EML5: variants seen among roughly 807,000 people sequenced by gnomAD.
The protein encoded by EML5 is echinoderm microtubule-associated protein-like 5.
A neutral mutation model predicts 250.0 loss-of-function variants in EML5; 120 were observed. The ratio of observed to expected loss-of-function variants is 0.48; its 90% CI spans 0.41 to 0.56. EML5 has a LOEUF of 0.56. EML5 is among the 20% of genes least tolerant of loss of function. The pLI is 0.00. For missense variants in EML5, 2,006 were observed against 2,437.6 expected (o/e 0.82, Z 3.73); for synonymous variants, 771 against 806.5 (o/e 0.96, Z 0.75).
At chr14:88,686,789 C>A (rs2092843352) in intron 19 of EML5, among the ~76,000 whole-genome samples, 1 of 151,988 alleles carries the variant, frequency 6.6e-6, no homozygotes, top group South Asian at 2.1e-4. Context: ...CCAGCCTGGG[C>A]AGCACAGCAG....
intron 37 of EML5, 25 bp from the exon 38 acceptor site, chr14:88,621,326 A>G (rs371409963): frequency 5.8e-5 from 94 of 1,612,392 alleles, no homozygotes; most frequent in Non-Finnish European, 7.6e-5. Flanking sequence ...GGACCAATAC[A>G]GTGAATGTAA....
rs777548159 is a variant in EML5 at position 88,664,657 on chromosome 14, T to C, written c.3278-33A>G. On this transcript the variant is annotated intron_variant, in intron 22 of 43. Coordinates refer to ENST00000554922, the MANE Select transcript of EML5 (RefSeq NM_183387.3). Reference sequence around the variant, plus strand: ...AGAAACATATTTGCTTGACATTTTCTATCTTTGGAAATACTTTTTTACACT... The same window carrying C: ...AGAAACATATTTGCTTGACATTTTCCATCTTTGGAAATACTTTTTTACACT... The C allele has an allele frequency of 5.7e-6, 9 of 1,592,096 alleles. No homozygotes were observed. The Admixed American group carries it at 1.6e-4, about 29-fold the overall frequency.
chr14:88,693,962 A>T (rs1346221791), intron 17 of EML5, among the ~76,000 whole-genome samples: 1 of 148,826 alleles, frequency 6.7e-6, no homozygotes. Flanking sequence ...TTGTAGAGAC[A>T]GGGTCTCACT....
At chr14:88,618,168 T>C (rs1352052063) in intron 41 of EML5, 60 bp downstream of exon 41, 27 of 1,421,796 alleles carry the variant, frequency 1.9e-5, no homozygotes, top group South Asian at 2.4e-5. Flanking sequence ...AGTTCAGAAA[T>C]AGGATTTTCT....
rs1555370057 is a variant in EML5 at position 88,745,167 on chromosome 14, TTGTGTG to T, written c.456+1012_456+1017del. On this transcript the variant is annotated intron_variant, in intron 3 of 43. Transcript: ENST00000554922. The stretch of plus-strand genomic sequence containing the variant: ...TTTAATAATGGTCTAAATTGTGTGT[TTGTGTG>T]TGTGTGTGTGTGTGTGTGTGTGTGT... Among the ~76,000 whole-genome samples, 160 of 145,282 alleles carry T rather than the reference TTGTGTG, an allele frequency of 1.1e-3. 1 individual carries two copies. Among genetic ancestry groups the T allele is most frequent in the Non-Finnish European group, 1.7e-3 (109 of 66,052 alleles).
rs377256906 is a variant in EML5, at chr14:88,705,570, T to A, written c.1844A>T (p.His615Leu). ...IAPQESLADS[H>L]SDESDSDLSD... ...CAGATCTGAATCTGATTCATCACTATGAGAGTCAGCCAGACTTTCTGTAAT... is the reference window on the plus strand; with the variant it reads ...CAGATCTGAATCTGATTCATCACTAAGAGAGTCAGCCAGACTTTCTGTAAT... The change falls in exon 12 of 44, where the codon CAT (histidine) becomes CTT (leucine). Residue 615 changes from histidine (H) to leucine (L), a missense_variant. His to Leu is a moderately conservative substitution (Grantham distance 99). Transcript: ENST00000554922. 53 of 1,594,400 alleles carry A rather than the reference T, an allele frequency of 3.3e-5. No homozygotes were observed. The highest frequency in any genetic ancestry group is 5.2e-5 in the Admixed American group (3 of 57,768).
At chr14:88,658,776 A>G (rs2091962900) in intron 25 of EML5, among the ~76,000 whole-genome samples, 1 of 151,994 alleles carries the variant, frequency 6.6e-6, no homozygotes, top group Admixed American at 6.5e-5. Flanking sequence ...GAAAAAAATT[A>G]AATACCTTAA....
chr14:88,760,971 A>G (rs1228470677), intron 1 of EML5, among the ~76,000 whole-genome samples: 1 of 152,196 alleles, frequency 6.6e-6, no homozygotes, highest in Non-Finnish European at 1.5e-5. Context: ...AGGTAGAAAT[A>G]TAACTAATTT....
chr14:88,790,301 A>G (rs905092119), intron 1 of EML5, among the ~76,000 whole-genome samples: 5 of 152,224 alleles, frequency 3.3e-5, no homozygotes, highest in Non-Finnish European at 5.9e-5. Context: ...TACATTAAAG[A>G]TGTGTCATTT....
chr14:88,768,622 G>A (rs963689780), intron 1 of EML5, among the ~76,000 whole-genome samples: 1 of 152,096 alleles, frequency 6.6e-6, no homozygotes, highest in African/African-American at 2.4e-5. Flanking sequence ...ATGTTGGTCA[G>A]GCTGGTCTCG....
rs544363970 is a variant in EML5 at position 88,616,841 on chromosome 14, T to C, written c.5681A>G (p.His1894Arg). ...GDEVLGIWSR[H>R]AEKADVNCAC... ...ACAGTTGACATCAGCTTTCTCAGCA[T>C]GTCTGGACCAGATTCCCAAAACCTC... Residue 1894 changes from histidine to arginine, a missense_variant, in exon 42 of 44, where the codon CAT becomes CGT. By Grantham distance (29) the His-to-Arg change is conservative. This residue lies in a region of EML5 where 405 missense variants were observed against 523.3 expected (regional missense o/e 0.77). Transcript: ENST00000554922. 13 of 1,613,946 alleles carry C rather than the reference T, an allele frequency of 8.1e-6. No homozygotes were observed. The South Asian group carries it at 1.2e-4, about 15-fold the overall frequency.
intron 1 of EML5, among the ~76,000 whole-genome samples, chr14:88,766,428 T>C (rs139181092): frequency 6.2e-4 from 94 of 152,284 alleles, no homozygotes; most frequent in African/African-American, 2.0e-3. Context: ...GGAATGTCTG[T>C]CTTTTACAGT....
intron 8 of EML5, among the ~76,000 whole-genome samples, chr14:88,717,750 G>A (rs549550804): frequency 2.2e-4 from 28 of 128,568 alleles, no homozygotes; most frequent in African/African-American, 4.3e-4. Context: ...GCGAGACTCC[G>A]TCTCAAAACA....
At chr14:88,664,401 C>T (rs1426797117) in intron 23 of EML5, 92 bp downstream of exon 23, 1 of 1,046,306 alleles carries the variant, frequency 9.6e-7, no homozygotes, top group East Asian at 2.9e-5. Context: ...TTCTTTTTAA[C>T]TCATCTGTTG....
At chr14:88,635,835 AG>A (rs1166801783) in intron 32 of EML5, among the ~76,000 whole-genome samples, 2 of 152,152 alleles carry the variant, frequency 1.3e-5, no homozygotes, top group Non-Finnish European at 2.9e-5. Context: ...CCTCACAATG[AG>A]ATTAGTGTTC....
chr14:88,670,850 A>G (rs2092444055), intron 21 of EML5, among the ~76,000 whole-genome samples: 2 of 152,038 alleles, frequency 1.3e-5, no homozygotes, highest in South Asian at 2.1e-4. Context: ...GAAATAAGAT[A>G]CACTACAAGA....
chr14:88,629,348 A>G (rs1247287704), intron 33 of EML5, among the ~76,000 whole-genome samples: 1 of 152,168 alleles, frequency 6.6e-6, no homozygotes, highest in Non-Finnish European at 1.5e-5. Context: ...TCATATTTTT[A>G]TAAAAAATTA....
intron 31 of EML5, among the ~76,000 whole-genome samples, chr14:88,640,376 T>C (rs571641711): frequency 4.5e-4 from 69 of 152,168 alleles, no homozygotes; most frequent in African/African-American, 1.6e-3. Flanking sequence ...CAGTGCAAAA[T>C]AGAAATCAAT....
chr14:88,772,879 T>G lies in EML5; in HGVS notation c.198-18208A>C, dbSNP rs1595853182. Among the ~76,000 whole-genome samples the G allele has an allele frequency of 2.6e-5, 4 of 152,340 alleles. No homozygotes were observed. The South Asian group carries it at 8.3e-4, about 32-fold the overall frequency. On this transcript the variant is annotated intron_variant, in intron 1 of 43. Coordinates refer to ENST00000554922, the MANE Select transcript of EML5 (RefSeq NM_183387.3). Reference sequence around the variant, plus strand: ...TAAAATGGCCAAGCTCATTATGCTATCAAAGTCTTTGTCTGGAATGACCTC... The same window carrying G: ...TAAAATGGCCAAGCTCATTATGCTAGCAAAGTCTTTGTCTGGAATGACCTC...
Sources: allele counts gnomAD v4.1 joint callset (sites outside exome capture counted in the v4.1 genomes callset), GRCh38; gene constraint gnomAD v4.1.1; regional missense constraint gnomAD v4.1.1; transcripts MANE v1.5; gene names NCBI Gene and HGNC (gene_info 2026-07-23, HGNC 2026-07-21).